The following AMZ1 variants were observed in gnomAD, a reference collection of about 807,000 sequenced individuals.
AMZ1 encodes archaemetzincin-1.
In AMZ1, 39 loss-of-function variants were observed where a neutral mutation model predicts 29.9. That is an observed-to-expected ratio of 1.30 (90% CI 1.01 to 1.70). AMZ1 has a LOEUF of 1.70. Among genes scored for constraint, AMZ1 ranks in the 40% most tolerant of loss-of-function variants. The pLI, the probability that AMZ1 is intolerant of heterozygous loss-of-function variation, is 0.00. For synonymous variants in AMZ1, 458 were observed against 304.0 expected, an observed-to-expected ratio of 1.51 and a Z score of -5.27; for missense variants, 1,041 against 680.6, an observed-to-expected ratio of 1.53 and a Z score of -5.89.
At position 2,709,559 on chromosome 7, in the gene AMZ1, G is replaced by A. The variant is rs1788616475; in HGVS notation, c.772-81G>A. The A allele has an allele frequency of 3.9e-6, 6 of 1,530,056 alleles. No individual in the cohort carries two copies. In the African/African-American group the frequency reaches 4.1e-5, roughly 11 times the overall value. 94.8% of individuals were successfully genotyped at this position (1,530,056 alleles called of 1,614,324 possible). ...CTGGCCTCACCCAGGTCCTCATTTT[G>A]GTCCTGCTGGGGCTGCCTGGGGATC... On this transcript the variant is annotated intron_variant, in intron 5 of 6. Transcript: ENST00000683327.
intron 6 of AMZ1, among the ~76,000 whole-genome samples, chr7:2,711,082 G>C (rs886915073): frequency 3.9e-5 from 6 of 152,208 alleles, no homozygotes; most frequent in Non-Finnish European, 7.4e-5. Context: ...GATCCACCTG[G>C]ATCTGAGCTG....
rs779453692 is a variant in AMZ1 at position 2,700,426 on chromosome 7, G to C, written c.-26G>C. ...CATGGACAGCAGCAGGGGCTCCCAG[G>C]AGTGGCCAGGCCCTGCCCGCCCACC... On this transcript the variant is annotated 5_prime_UTR_variant, in exon 2 of 7. Transcript: ENST00000683327. 1 of 1,585,008 alleles carries C rather than the reference G, an allele frequency of 6.3e-7. No homozygotes were observed. Among genetic ancestry groups the C allele is most frequent in the Non-Finnish European group, 8.5e-7 (1 of 1,171,066 alleles).
At chr7:2,704,528 TG>T (rs1355953509) in intron 3 of AMZ1, among the ~76,000 whole-genome samples, 4 of 151,660 alleles carry the variant, frequency 2.6e-5, no homozygotes, top group African/African-American at 9.7e-5. Flanking sequence ...TAATTTCAGT[TG>T]TCATGTTTGT....
At chr7:2,742,499 C>G (rs1790559496) in intron 4 of AMZ1, among the ~76,000 whole-genome samples, 1 of 152,180 alleles carries the variant, frequency 6.6e-6, no homozygotes, top group Admixed American at 6.5e-5. Flanking sequence ...CATCGCTGTC[C>G]ACATGGACTC....
downstream of AMZ1, among the ~76,000 whole-genome samples, chr7:2,722,274 ATTTTT>A (rs57939882): frequency 8.3e-5 from 12 of 145,432 alleles, no homozygotes; most frequent in East Asian, 1.8e-3. Context: ...GGCATTTCGA[ATTTTT>A]TTTTTTTTTT....
intron 1 of AMZ1, among the ~76,000 whole-genome samples, chr7:2,696,088 C>G (rs567035804): frequency 1.6e-4 from 25 of 151,884 alleles, no homozygotes; most frequent in Non-Finnish European, 3.5e-4. Flanking sequence ...CCCCCTCGCC[C>G]CGCCCCCCAC....
chr7:2,720,892 T>G (rs1789391103), downstream of AMZ1, among the ~76,000 whole-genome samples: 1 of 152,186 alleles, frequency 6.6e-6, no homozygotes, highest in Non-Finnish European at 1.5e-5. Flanking sequence ...TTGCCCAGGC[T>G]GGTTTTGAAC....
chr7:2,709,964 G>A (rs1473088508), intron 6 of AMZ1, 148 bp downstream of exon 6: 9 of 1,127,320 alleles, frequency 8.0e-6, no homozygotes, highest in Admixed American at 2.7e-5. Flanking sequence ...TGGGACCTGC[G>A]CTGGGGTTGA....
chr7:2,709,941 C>T (rs1022869363), intron 6 of AMZ1, 125 bp downstream of exon 6: 12 of 1,319,496 alleles, frequency 9.1e-6, no homozygotes, highest in Middle Eastern at 2.6e-4. Flanking sequence ...GGGTTCCAGG[C>T]AGTGCAGAGC....
rs1026385174 is a variant in AMZ1 at position 2,717,016 on chromosome 7, A to C, written c.*4138A>C. Reference sequence around the variant, plus strand: ...CGGTCTGAGCAGGAAGAGAGTAAGAAGGCGCACGGACGCGGGAGGCCTGCA... The same window carrying C: ...CGGTCTGAGCAGGAAGAGAGTAAGACGGCGCACGGACGCGGGAGGCCTGCA... On this transcript the variant is annotated 3_prime_UTR_variant, in exon 7 of 7. Coordinates refer to ENST00000683327, the MANE Select transcript of AMZ1 (RefSeq NM_001384743.1). Among the ~76,000 whole-genome samples the C allele has an allele frequency of 1.3e-5, 2 of 152,200 alleles. No individual in the cohort carries two copies. The highest frequency in any genetic ancestry group is 2.9e-5 in the Non-Finnish European group (2 of 68,046).
chr7:2,745,327 G>GA (rs1345975916), intron 4 of AMZ1, among the ~76,000 whole-genome samples: 11 of 152,230 alleles, frequency 7.2e-5, no homozygotes, highest in Non-Finnish European at 1.0e-4. Flanking sequence ...TCTCTTGGCA[G>GA]AAACTCTGCA....
rs1012511949 is a variant in AMZ1 at position 2,712,972 on chromosome 7, G to C, written c.*94G>C. The C allele has an allele frequency of 2.2e-6, 3 of 1,339,826 alleles. No homozygotes were observed. The highest frequency in any genetic ancestry group is 2.9e-6 in the Non-Finnish European group (3 of 1,027,542). 83.0% of individuals were successfully genotyped at this position (1,339,826 alleles called of 1,614,324 possible). On this transcript the variant is annotated 3_prime_UTR_variant, in exon 7 of 7. Transcript: ENST00000683327. Reference sequence around the variant, plus strand: ...ACTACTGACCTGCCAGGGATAAAGAGGAAGGGTCTGCCTGGGTGGTGGCTC... The same window carrying C: ...ACTACTGACCTGCCAGGGATAAAGACGAAGGGTCTGCCTGGGTGGTGGCTC...
At chr7:2,748,641 A>G (rs1790880730) in intron 4 of AMZ1, among the ~76,000 whole-genome samples, 2 of 152,210 alleles carry the variant, frequency 1.3e-5, no homozygotes, top group East Asian at 1.9e-4. Context: ...AATGGCAACA[A>G]AAGCCAAAAT....
rs1246649468 is a variant in AMZ1, at chr7:2,716,180, C to G, written c.*3302C>G. On this transcript the variant is annotated 3_prime_UTR_variant, in exon 7 of 7. Coordinates refer to ENST00000683327, the MANE Select transcript of AMZ1 (RefSeq NM_001384743.1). ...TTCTGAAGTGGCTAGAATACACACT[C>G]CCACGTCACAGCCATGCTATGATGA... The G allele has an allele frequency of 6.6e-6, 1 of 152,248 alleles. No individual in the cohort carries two copies. The highest frequency in any genetic ancestry group is 1.5e-5 in the Non-Finnish European group (1 of 68,056). 9.4% of individuals were successfully genotyped at this position (152,248 alleles called of 1,614,324 possible).
intron 4 of AMZ1, chr7:2,730,671 G>A (rs1335834037): frequency 2.6e-5 from 4 of 153,314 alleles, no homozygotes; most frequent in Admixed American, 2.6e-4. Flanking sequence ...CCGGGCTCAG[G>A]CACTGAGTTT....
At chr7:2,695,341 G>A (rs913395024) in intron 1 of AMZ1, among the ~76,000 whole-genome samples, 1 of 152,140 alleles carries the variant, frequency 6.6e-6, no homozygotes, top group African/African-American at 2.4e-5. Context: ...TCTGGGCACA[G>A]GCTCGGTCTG....
intron 1 of AMZ1, among the ~76,000 whole-genome samples, chr7:2,695,135 A>C (rs1787632676): frequency 6.6e-6 from 1 of 152,134 alleles, no homozygotes; most frequent in Non-Finnish European, 1.5e-5. Flanking sequence ...GCCCCGCTGC[A>C]AGACTTGCCC....
At chr7:2,744,385 CGCT>C (rs1790664345) in intron 4 of AMZ1, among the ~76,000 whole-genome samples, 1 of 152,196 alleles carries the variant, frequency 6.6e-6, no homozygotes, top group African/African-American at 2.4e-5. Flanking sequence ...CTGCAGCCAC[CGCT>C]GCTGATACCC....
In AMZ1 at chr7:2,712,409, C is replaced by T. The variant is rs770335364; in HGVS notation, c.1028C>T (p.Thr343Ile). ...GGGGAGCCGTCAGTGTGGGAGGACA[C>T]CCCGCCTGCCAGCGCCGACTCGGGC... is the stretch of plus-strand genomic sequence containing the variant. ...EAGEPSVWED[T>I]PPASADSGMC... is the part of the protein sequence containing the mutation. The change falls in exon 7 of 7, where the codon ACC becomes ATC. Residue 343 changes from threonine to isoleucine, a missense_variant. Physicochemically the swap from Thr to Ile is moderately conservative, Grantham distance 89. Coordinates refer to ENST00000683327, the MANE Select transcript of AMZ1 (RefSeq NM_001384743.1). The T allele has an allele frequency of 8.1e-6, 13 of 1,611,214 alleles. No homozygotes were observed. Among genetic ancestry groups the T allele is most frequent in the Non-Finnish European group, 1.1e-5 (13 of 1,179,430 alleles).
Sources: gnomAD v4.1 joint callset for allele counts (sites outside exome capture counted in the v4.1 genomes callset) on GRCh38, gnomAD v4.1.1 for gene constraint, MANE v1.5 for transcripts, NCBI Gene and HGNC (gene_info 2026-07-23, HGNC 2026-07-21) for gene names.